Variants in SERINC5 observed in about 807,000 individuals in gnomAD.
SERINC5 encodes serine incorporator 5, also known as chromosome 5 open reading frame 12.
Under a neutral mutation model 63.1 loss-of-function variants are expected in SERINC5, and 41 were observed. The observed-to-expected ratio is 0.65, with a 90% CI of 0.51 to 0.84. The LOEUF (loss-of-function observed/expected upper bound fraction) is 0.84, where lower values mean the gene tolerates loss of function less well. Among genes scored for constraint, SERINC5 ranks in the 40% least tolerant of loss-of-function variants. SERINC5 has a pLI of 0.00. For synonymous variants in SERINC5, 222 were observed against 215.2 expected (o/e 1.03, Z -0.28); for missense variants, 523 against 573.0 (o/e 0.91, Z 0.89).
chr5:80,129,221 TC>T (rs1417431841), intron 11 of SERINC5: 1 of 152,248 alleles, frequency 6.6e-6, no homozygotes, highest in African/African-American at 2.4e-5. Context: ...TGGGTACATT[TC>T]CTTTGGGTCC....
downstream of SERINC5, among the ~76,000 whole-genome samples, chr5:80,137,642 CAA>C (rs57807742): frequency 1.1e-4 from 12 of 104,726 alleles, no homozygotes; most frequent in Non-Finnish European, 1.2e-4. Flanking sequence ...GACTCTAACT[CAA>C]AAAAAAAAAA....
intron 1 of SERINC5, among the ~76,000 whole-genome samples, chr5:80,225,370 C>G (rs1011833694): frequency 6.6e-6 from 1 of 152,152 alleles, no homozygotes; most frequent in African/African-American, 2.4e-5. Context: ...CAGGTGACTC[C>G]TAAGTCCATT....
chr5:80,200,831 C>T (rs1166538669), intron 2 of SERINC5, among the ~76,000 whole-genome samples: 5 of 75,524 alleles, frequency 6.6e-5, no homozygotes, highest in Non-Finnish European at 1.2e-4. Flanking sequence ...TGGTGGCTCA[C>T]GCATGTAATC....
intron 1 of SERINC5, among the ~76,000 whole-genome samples, chr5:80,243,271 C>T (rs1752026632): frequency 6.6e-6 from 1 of 152,150 alleles, no homozygotes; most frequent in Non-Finnish European, 1.5e-5. Context: ...TGGCTTCCTA[C>T]ACTGAACCCT....
intron 2 of SERINC5, among the ~76,000 whole-genome samples, chr5:80,190,041 TGG>T: frequency 6.6e-6 from 1 of 151,758 alleles, no homozygotes; most frequent in East Asian, 1.9e-4. Context: ...CTTAAATGTG[TGG>T]ACCTGAACGC....
chr5:80,121,850 T>C (rs454184), intron 11 of SERINC5, among the ~76,000 whole-genome samples: 126,955 of 151,714 alleles, frequency 0.84, 53,863 homozygotes, highest in African/African-American at 0.93. Context: ...TCATGTGAAC[T>C]TAATAGAGTG....
chr5:80,201,105 C>T (rs1187469998), intron 2 of SERINC5, among the ~76,000 whole-genome samples: 1 of 151,958 alleles, frequency 6.6e-6, no homozygotes, highest in South Asian at 2.1e-4. Flanking sequence ...TCCACCACCC[C>T]CCCACAAAAA....
Position 80,158,938 on chromosome 5 carries a change from A to G in SERINC5, c.884T>C (p.Val295Ala). Residue 295 changes from valine to alanine, a missense_variant, in exon 8 of 12, where the codon GTT becomes GCT. Coordinates refer to ENST00000507668, the MANE Select transcript of SERINC5 (RefSeq NM_001174072.3). ...ACCAAAGTCAGGCACACAGATTGTAACATTTTTCCCATGTTCATCTAGAAC... is the reference window on the plus strand; with the variant it reads ...ACCAAAGTCAGGCACACAGATTGTAGCATTTTTCCCATGTTCATCTAGAAC... ...EVVLDEHGKNVTICVPDFGQD... is the reference protein window; with the variant it reads ...EVVLDEHGKNATICVPDFGQD... 1 of 1,613,844 alleles carries G rather than the reference A, an allele frequency of 6.2e-7. No homozygotes were observed. Among genetic ancestry groups the G allele is most frequent in the East Asian group, 2.2e-5 (1 of 44,880 alleles).
chr5:80,191,479 C>CAAAA (rs1167390197), intron 2 of SERINC5, among the ~76,000 whole-genome samples: 8 of 38,494 alleles, frequency 2.1e-4, no homozygotes, highest in African/African-American at 6.6e-4. Flanking sequence ...TCCATCTCTA[C>CAAAA]AAAAAAAAAA....
intron 2 of SERINC5, among the ~76,000 whole-genome samples, chr5:80,200,151 C>CTTA (rs10654989): frequency 0.3 from 44,956 of 151,530 alleles, 6,883 homozygotes; most frequent in African/African-American, 0.32. Context: ...GAGCGAGACT[C>CTTA]GTAATTTCTG....
intron 10 of SERINC5, 138 bp from the exon 11 acceptor site, chr5:80,146,372 A>G (rs1745827069): frequency 7.3e-6 from 7 of 954,758 alleles, no homozygotes; most frequent in East Asian, 2.4e-5. Flanking sequence ...GGCAACTTCA[A>G]TCTGTGCCCT....
At chr5:80,170,483 G>A (rs752748846) in intron 5 of SERINC5, among the ~76,000 whole-genome samples, 5 of 152,182 alleles carry the variant, frequency 3.3e-5, no homozygotes, top group Non-Finnish European at 5.9e-5. Context: ...GGCAGGTGGG[G>A]GGAGACAGCA....
At chr5:80,166,259 C>A (rs1460466328) in intron 7 of SERINC5, 124 bp downstream of exon 7, 2 of 673,756 alleles carry the variant, frequency 3.0e-6, no homozygotes, top group Non-Finnish European at 5.2e-6. Context: ...CCCTTCCCAG[C>A]CTCTGGTAAC....
In SERINC5 at chr5:80,142,607, T is replaced by C. The variant is rs1042354935; in HGVS notation, c.*1056A>G. 1 of 985,286 alleles carries C rather than the reference T, an allele frequency of 1.0e-6. No homozygotes were observed. Among genetic ancestry groups the C allele is most frequent in the South Asian group, 4.7e-5 (1 of 21,292 alleles). 61.0% of individuals were successfully genotyped at this position (985,286 alleles called of 1,614,324 possible). On this transcript the variant is annotated 3_prime_UTR_variant, in exon 12 of 12. Transcript: ENST00000507668. Reference sequence around the variant, plus strand: ...CACATTAGCAAACCTACTCCAAGGATGCCAGCATGAACCTGAACGGTATGG... The same window carrying C: ...CACATTAGCAAACCTACTCCAAGGACGCCAGCATGAACCTGAACGGTATGG...
chr5:80,222,561 A>AGAGTGTGTGTGTGT (rs1326918451), intron 1 of SERINC5, among the ~76,000 whole-genome samples: 2 of 146,216 alleles, frequency 1.4e-5, no homozygotes, highest in African/African-American at 5.1e-5. Context: ...TGAGTGTGTG[A>AGAGTGTGTGTGTGT]GTGTGTGAGT....
chr5:80,139,178 A>G lies in SERINC5; in HGVS notation c.*4485T>C. 1 of 984,684 alleles carries G rather than the reference A, an allele frequency of 1.0e-6. No individual in the cohort carries two copies. The highest frequency in any genetic ancestry group is 1.2e-6 in the Non-Finnish European group (1 of 829,230). 61.0% of individuals were successfully genotyped at this position (984,684 alleles called of 1,614,324 possible). A position where few individuals can be genotyped will look rare whatever the true frequency, so the allele number is the denominator to read the frequency against. ...TTGGCTACAGCTAATCGTTTCAGAA[A>G]AGTTTAAAAAATTAGCAAAGTTATA... On this transcript the variant is annotated 3_prime_UTR_variant, in exon 12 of 12. Transcript: ENST00000507668.
intron 6 of SERINC5, 191 bp from the exon 7 acceptor site, chr5:80,166,669 G>A (rs1747323021): frequency 2.6e-5 from 12 of 469,778 alleles, no homozygotes; most frequent in Non-Finnish European, 2.7e-5. Context: ...AGAGTTACAC[G>A]CTGAACTGAA....
intron 2 of SERINC5, among the ~76,000 whole-genome samples, chr5:80,200,943 C>T (rs66738727): frequency 0.21 from 31,477 of 151,316 alleles, 4,277 homozygotes; most frequent in East Asian, 0.49. Context: ...AAGAAAGATA[C>T]GAAAATTTAG....
chr5:80,190,106 C>CTTTTTTTT (rs11422784), intron 2 of SERINC5, among the ~76,000 whole-genome samples: 1 of 93,240 alleles, frequency 1.1e-5, no homozygotes, highest in Admixed American at 1.4e-4. Context: ...GTCTCCCGTA[C>CTTTTTTTT]TTTTTTTTTT....
Sources: gnomAD v4.1 joint callset for allele counts (sites outside exome capture counted in the v4.1 genomes callset) on GRCh38, gnomAD v4.1.1 for gene constraint, MANE v1.5 for transcripts, NCBI Gene and HGNC (gene_info 2026-07-23, HGNC 2026-07-21) for gene names.